MAGI2: variants seen among roughly 807,000 people sequenced by gnomAD.
MAGI2 encodes membrane-associated guanylate kinase, WW and PDZ domain-containing protein 2.
MAGI2 carries 35 observed loss-of-function variants against 133.3 expected under a neutral mutation model. The observed-to-expected ratio is 0.26, with a 90% CI of 0.20 to 0.35. MAGI2 has a LOEUF of 0.35. MAGI2 is among the 10% of genes least tolerant of loss of function. MAGI2 has a pLI of 1.00. For missense variants in MAGI2, 1,636 were observed against 1,863.4 expected, an observed-to-expected ratio of 0.88 and a Z score of 2.25; for synonymous variants, 729 against 710.6, an observed-to-expected ratio of 1.03 and a Z score of -0.41.
chr7:78,594,559 G>C (rs540063701), intron 3 of MAGI2, among the ~76,000 whole-genome samples: 1 of 152,210 alleles, frequency 6.6e-6, no homozygotes, highest in Non-Finnish European at 1.5e-5. Flanking sequence ...CCGGGTTCAA[G>C]TGATTCTCCT....
chr7:79,009,492 T>C (rs1186888654), intron 1 of MAGI2, among the ~76,000 whole-genome samples: 2 of 152,150 alleles, frequency 1.3e-5, no homozygotes, highest in African/African-American at 2.4e-5. Flanking sequence ...TCCTTTACAA[T>C]TTATCATAAG....
rs930026844 is a variant in MAGI2, at chr7:79,145,576, G to GA, written c.302-138371dup. Among the ~76,000 whole-genome samples, 116 of 147,184 alleles carry GA rather than the reference G, an allele frequency of 7.9e-4. 2 individuals are homozygous for GA. The East Asian group carries it at 0.013, about 17-fold the overall frequency. On this transcript the variant is annotated intron_variant, in intron 1 of 21. Coordinates refer to ENST00000354212, the MANE Select transcript of MAGI2 (RefSeq NM_012301.4). ...ATTCCTGCTGTGAAAATACAAGTTA[G>GA]AAAAAAAAAAGCCAATAAAATACAT...
At chr7:78,127,910 A>T (rs1320561533) in intron 18 of MAGI2, among the ~76,000 whole-genome samples, 3 of 152,176 alleles carry the variant, frequency 2.0e-5, no homozygotes, top group African/African-American at 7.2e-5. Flanking sequence ...ACAAATACAC[A>T]ATCAAAGGCT....
chr7:79,017,438 G>C (rs1168641242), intron 1 of MAGI2, among the ~76,000 whole-genome samples: 1 of 152,114 alleles, frequency 6.6e-6, no homozygotes, highest in Non-Finnish European at 1.5e-5. Flanking sequence ...GAAATCCAAA[G>C]GTCATCAACT....
At chr7:79,343,184 TCAC>T in intron 1 of MAGI2, 1 of 152,264 alleles carries the variant, frequency 6.6e-6, no homozygotes, top group East Asian at 1.9e-4. Context: ...CATAATAACA[TCAC>T]CACAGTCTAA....
At chr7:79,223,235 G>A (rs1159559865) in intron 1 of MAGI2, among the ~76,000 whole-genome samples, 1 of 152,002 alleles carries the variant, frequency 6.6e-6, no homozygotes, top group African/African-American at 2.4e-5. Flanking sequence ...TGAGATGACA[G>A]TTCTCATTTA....
chr7:79,444,320 C>T (rs1178717819), intron 1 of MAGI2, among the ~76,000 whole-genome samples: 5 of 152,118 alleles, frequency 3.3e-5, no homozygotes, highest in African/African-American at 4.8e-5. Context: ...CCAGGGCAAT[C>T]AGGCAGGAGA....
chr7:78,510,932 T>C (rs1167864595), intron 4 of MAGI2, among the ~76,000 whole-genome samples: 2 of 152,220 alleles, frequency 1.3e-5, no homozygotes, highest in African/African-American at 4.8e-5. Context: ...AGTCTGCTTA[T>C]AACTGACTCC....
intron 2 of MAGI2, among the ~76,000 whole-genome samples, chr7:78,795,665 C>G (rs976011489): frequency 6.6e-6 from 1 of 151,824 alleles, no homozygotes; most frequent in African/African-American, 2.4e-5. Context: ...AAAATTCGTA[C>G]GGAATCACAA....
intron 6 of MAGI2, among the ~76,000 whole-genome samples, chr7:78,391,565 C>G (rs560731775): frequency 2.6e-4 from 39 of 152,238 alleles, no homozygotes; most frequent in Non-Finnish European, 4.9e-4. Flanking sequence ...ACAAAAGACA[C>G]ATTTTGTTTG....
At chr7:79,435,548 A>G (rs1426211601) in intron 1 of MAGI2, among the ~76,000 whole-genome samples, 3 of 152,226 alleles carry the variant, frequency 2.0e-5, no homozygotes, top group Non-Finnish European at 4.4e-5. Context: ...AATTTATAGC[A>G]TAATTAGTAG....
At position 78,833,678 on chromosome 7, in the gene MAGI2, T is replaced by C. The variant is rs60934450; in HGVS notation, c.418+173412A>G. Among the ~76,000 whole-genome samples, 194 of 152,268 alleles carry C rather than the reference T, an allele frequency of 1.3e-3. 3 individuals carry two copies. In the East Asian group the frequency reaches 0.031, roughly 24 times the overall value. On this transcript the variant is annotated intron_variant, in intron 2 of 21. Coordinates refer to ENST00000354212, the MANE Select transcript of MAGI2 (RefSeq NM_012301.4). ...CACACAGCCCTCTCTGTTCATATCCTCCTAACTTAACTCTTCCATTGTTCT... is the reference window on the plus strand; with the variant it reads ...CACACAGCCCTCTCTGTTCATATCCCCCTAACTTAACTCTTCCATTGTTCT...
intron 1 of MAGI2, among the ~76,000 whole-genome samples, chr7:79,102,611 C>T (rs148993280): frequency 2.0e-5 from 3 of 152,106 alleles, no homozygotes; most frequent in African/African-American, 7.2e-5. Context: ...TGCCTTTCTA[C>T]CCAAAAAGTA....
chr7:78,331,761 T>G (rs1051591346), intron 9 of MAGI2, among the ~76,000 whole-genome samples: 1 of 152,204 alleles, frequency 6.6e-6, no homozygotes, highest in African/African-American at 2.4e-5. Flanking sequence ...CCTGGTGTTA[T>G]AATGTCTAGC....
intron 1 of MAGI2, among the ~76,000 whole-genome samples, chr7:79,053,966 G>A (rs572458802): frequency 1.8e-4 from 28 of 152,286 alleles, no homozygotes; most frequent in African/African-American, 6.7e-4. Context: ...GGAGGCTGAG[G>A]TGGGTGGATC....
At chr7:78,045,119 A>T (rs560561740) in intron 21 of MAGI2, among the ~76,000 whole-genome samples, 1 of 152,334 alleles carries the variant, frequency 6.6e-6, no homozygotes, top group East Asian at 1.9e-4. Context: ...GTGAGCCGAG[A>T]TCGCACCACT....
intron 2 of MAGI2, among the ~76,000 whole-genome samples, chr7:78,653,740 T>A (rs1811829000): frequency 6.7e-6 from 1 of 148,774 alleles, no homozygotes; most frequent in African/African-American, 2.5e-5. Flanking sequence ...TAAACCTGCA[T>A]GTTCTGCACC....
At position 79,085,504 on chromosome 7, in the gene MAGI2, T is replaced by A. The variant is rs150268935; in HGVS notation, c.302-78298A>T. 9.2e-5 allele frequency among the ~76,000 whole-genome samples: 14 copies of A among 152,042 alleles called. No homozygotes were observed. In the East Asian group the frequency reaches 2.7e-3, roughly 29 times the overall value. ...TGTGCTTCATCAGGAACAGTTTCTG[T>A]TGACTGAATTTTACTCTGTTTGGGC... is the stretch of plus-strand genomic sequence containing the variant. On this transcript the variant is annotated intron_variant, in intron 1 of 21. Coordinates refer to ENST00000354212, the MANE Select transcript of MAGI2 (RefSeq NM_012301.4).
At chr7:78,864,923 T>C (rs752307428) in intron 2 of MAGI2, among the ~76,000 whole-genome samples, 1 of 152,188 alleles carries the variant, frequency 6.6e-6, no homozygotes, top group Non-Finnish European at 1.5e-5. Flanking sequence ...TTACTTCCCC[T>C]ATGTCTTCAA....
Sources: gnomAD v4.1 joint callset for allele counts (sites outside exome capture counted in the v4.1 genomes callset) on GRCh38, gnomAD v4.1.1 for gene constraint, MANE v1.5 for transcripts, NCBI Gene and HGNC (gene_info 2026-07-23, HGNC 2026-07-21) for gene names.